The following WDR3 variants were observed in gnomAD, a reference collection of about 807,000 sequenced individuals.
WDR3 encodes the protein WD repeat-containing protein 3.
Under a neutral mutation model 123.7 loss-of-function variants are expected in WDR3, and 81 were observed. The observed-to-expected ratio is 0.65, with a 90% CI of 0.55 to 0.79. The LOEUF (loss-of-function observed/expected upper bound fraction) is 0.79, where lower values mean the gene tolerates loss of function less well. Ranked by LOEUF, WDR3 falls within the 30% of genes least tolerant of loss-of-function variation. WDR3 has a pLI of 0.00. For synonymous variants in WDR3, 390 were observed against 388.8 expected, an observed-to-expected ratio of 1.00 and a Z score of -0.04; for missense variants, 1,027 against 1,123.2, an observed-to-expected ratio of 0.91 and a Z score of 1.22.
At chr1:117,950,590 C>T (rs1368241927) in intron 15 of WDR3, among the ~76,000 whole-genome samples, 1 of 152,158 alleles carries the variant, frequency 6.6e-6, no homozygotes, top group African/African-American at 2.4e-5. Context: ...AGAGATCTGA[C>T]TGAGGCAGTA....
intron 17 of WDR3, 27 bp from the exon 18 acceptor site, chr1:117,952,270 C>T (rs986502874): frequency 3.2e-6 from 5 of 1,582,958 alleles, no homozygotes; most frequent in East Asian, 2.2e-5. Flanking sequence ...AATTTGATGA[C>T]ATTTTAATAT....
chr1:117,951,032 A>G, intron 16 of WDR3, 142 bp downstream of exon 16: 2 of 599,610 alleles, frequency 3.3e-6, no homozygotes, highest in South Asian at 5.1e-5. Flanking sequence ...AACAGTCTCA[A>G]ATTAATATAT....
At chr1:117,958,314 C>A (rs563517959) in intron 25 of WDR3, among the ~76,000 whole-genome samples, 2 of 152,154 alleles carry the variant, frequency 1.3e-5, no homozygotes, top group Non-Finnish European at 2.9e-5. Flanking sequence ...CTTGTAAAGA[C>A]ATAAGTTCAT....
At chr1:117,935,346 T>A (rs568366751) in intron 3 of WDR3, among the ~76,000 whole-genome samples, 1 of 152,182 alleles carries the variant, frequency 6.6e-6, no homozygotes, top group East Asian at 1.9e-4. Flanking sequence ...AGCAAAGGAA[T>A]TGGAAACACT....
At chr1:117,942,773 T>C in intron 10 of WDR3, among the ~76,000 whole-genome samples, 1 of 152,020 alleles carries the variant, frequency 6.6e-6, no homozygotes, top group East Asian at 1.9e-4. Flanking sequence ...TGTCTTTTCC[T>C]GCAGCTAATT....
At chr1:117,943,267 C>A in intron 10 of WDR3, 129 bp from the exon 11 acceptor site, 1 of 824,392 alleles carries the variant, frequency 1.2e-6, no homozygotes, top group Non-Finnish European at 1.9e-6. Flanking sequence ...GGCACTCTTA[C>A]TTGAAAAATT....
intron 4 of WDR3, 131 bp from the exon 5 acceptor site, chr1:117,938,349 A>G (rs1165594801): frequency 3.1e-6 from 2 of 639,444 alleles, no homozygotes; most frequent in African/African-American, 3.7e-5. Context: ...GTAAGATCAG[A>G]GAGAATCGGA....
At position 117,933,502 on chromosome 1, in the gene WDR3, A is replaced by G; in HGVS notation, c.171+12A>G. The G allele has an allele frequency of 6.2e-7, 1 of 1,614,004 alleles. No individual in the cohort carries two copies. The highest frequency in any genetic ancestry group is 8.5e-7 in the Non-Finnish European group (1 of 1,179,910). ...GGAAAGGAGAGAAGGTGAGCCTAAA[A>G]TGACCAGTTTGATACTGATTTATTG... On this transcript the variant is annotated intron_variant, in intron 2 of 26. Transcript: ENST00000349139.
In WDR3 at chr1:117,952,014, T is replaced by A. The variant is rs978827090; in HGVS notation, c.1842T>A (p.Asn614Lys). 4 of 1,613,502 alleles carry A rather than the reference T, an allele frequency of 2.5e-6. No homozygotes were observed. The highest frequency in any genetic ancestry group is 3.4e-6 in the Non-Finnish European group (4 of 1,179,490). ...TAGCAACTGGCTCCGCTGATAGGAA[T>A]GTGAAAATCTGGGGTTTGGACTTTG... ...ALIATGSADR[N>K]VKIWGLDFGD... Residue 614 changes from asparagine (N) to lysine (K), a missense_variant, in exon 17 of 27, where the codon AAT (asparagine) becomes AAA (lysine). Physicochemically the swap from Asn to Lys is moderately conservative, Grantham distance 94. Coordinates refer to ENST00000349139, the MANE Select transcript of WDR3 (RefSeq NM_006784.3).
intron 24 of WDR3, 137 bp downstream of exon 24, chr1:117,955,495 ATAATT>A (rs1652066604): frequency 1.3e-6 from 1 of 753,402 alleles, no homozygotes; most frequent in South Asian, 2.5e-5. Flanking sequence ...TTGATGGAAA[ATAATT>A]TATAATGTTC....
intron 24 of WDR3, 83 bp from the exon 25 acceptor site, chr1:117,956,985 T>C: frequency 4.8e-6 from 6 of 1,248,466 alleles, no homozygotes; most frequent in Non-Finnish European, 6.5e-6. Flanking sequence ...GTAGAAAAAA[T>C]AATAAAGGGA....
Position 117,953,761 on chromosome 1 carries a change from T to C in WDR3, c.2268+220T>C, listed in dbSNP as rs992707007. ...GCTCCTTTCAGGTGTTCCTGGGACC[T>C]GCCCTATTCAGAGTGTCTAGATATC... On this transcript the variant is annotated intron_variant, in intron 21 of 26. Transcript: ENST00000349139. 16 of 610,300 alleles carry C rather than the reference T, an allele frequency of 2.6e-5. No individual in the cohort carries two copies. In the South Asian group the frequency reaches 2.7e-4, roughly 10 times the overall value. The allele number at this position is 610,300 out of a possible 1,614,324, so 37.8% of individuals were successfully genotyped here. A position where few individuals can be genotyped will look rare whatever the true frequency, so the allele number is the denominator to read the frequency against.
Position 117,946,112 on chromosome 1 carries a change from T to C in WDR3, c.1355T>C (p.Met452Thr), listed in dbSNP as rs149375156. Reference protein sequence around the residue: ...NRSTLQCIRTMTCEYALCSFF... With the variant: ...NRSTLQCIRTTTCEYALCSFF... ...TCTACACTGCAGTGTATTCGCACAA[T>C]GACCTGTGAATATGCACTTTGCTCA... The change falls in exon 12 of 27, where the codon ATG becomes ACG. Residue 452 changes from methionine (M) to threonine (T), a missense_variant. Coordinates refer to ENST00000349139, the MANE Select transcript of WDR3 (RefSeq NM_006784.3). 1,023 of 1,612,948 alleles carry C rather than the reference T, an allele frequency of 6.3e-4. 1 individual carries two copies. The highest frequency in any genetic ancestry group is 7.8e-4 in the Non-Finnish European group (923 of 1,179,366).
chr1:117,942,809 G>A (rs973914913), intron 10 of WDR3, among the ~76,000 whole-genome samples: 3 of 150,094 alleles, frequency 2.0e-5, no homozygotes, highest in East Asian at 2.0e-4. Flanking sequence ...TGTGTCCCAC[G>A]TTCAGAAAGG....
rs370011105 is a variant in WDR3 at position 117,936,862 on chromosome 1, C to T, written c.475C>T (p.Arg159Ter). Residue 159 changes from arginine to a stop codon, truncating the protein, a stop_gained, in exon 4 of 27, where the codon CGA becomes TGA. Transcript: ENST00000349139. LOFTEE classifies it high-confidence loss of function. Reference sequence around the variant, plus strand: ...TGCCATCACACAAGCATTGTTTCTACGAGAAAAGAACCTGCTAGTTACTAG... The same window carrying T: ...TGCCATCACACAAGCATTGTTTCTATGAGAAAAGAACCTGCTAGTTACTAG... ...KDAITQALFL[R>*]EKNLLVTSGK... The T allele has an allele frequency of 2.1e-5, 34 of 1,612,752 alleles. No individual in the cohort carries two copies. Among genetic ancestry groups the T allele is most frequent in the African/African-American group, 9.4e-5 (7 of 74,846 alleles).
rs1557826160 is a variant in WDR3 at position 117,954,606 on chromosome 1, A to C, written c.2388A>C (p.Leu796=). The C allele has an allele frequency of 6.2e-7, 1 of 1,612,606 alleles. No individual in the cohort carries two copies. The highest frequency in any genetic ancestry group is 2.2e-5 in the East Asian group (1 of 44,836). ...TTCCACTTCCCAGCAACCCCATCCT[A>C]ATGGCTTATGGCAGTATCTCAGTGA... The part of the protein sequence containing the change: ...KEVPLPSNPI[L]MAYGSISPSA... Residue 796 remains leucine, a synonymous_variant, in exon 23 of 27, where the codon CTA becomes CTC. Coordinates refer to ENST00000349139, the MANE Select transcript of WDR3 (RefSeq NM_006784.3).
At position 117,959,466 on chromosome 1, in the gene WDR3, T is replaced by TC; in HGVS notation, c.*19_*20insC. Reference sequence around the variant, plus strand: ...GACTTAGAACTGAAATGTGGTATCTTTTTTTTTTTCAACTTTTTCCTTTAA... The same window carrying TC: ...GACTTAGAACTGAAATGTGGTATCTTCTTTTTTTTTCAACTTTTTCCTTTAA... On this transcript the variant is annotated 3_prime_UTR_variant, in exon 27 of 27. Transcript: ENST00000349139. 1 of 1,550,454 alleles carries TC rather than the reference T, an allele frequency of 6.4e-7. No individual in the cohort carries two copies. Among genetic ancestry groups the TC allele is most frequent in the Non-Finnish European group, 8.7e-7 (1 of 1,150,932 alleles).
chr1:117,943,891 C>T (rs1260227694), intron 11 of WDR3, among the ~76,000 whole-genome samples: 5 of 152,026 alleles, frequency 3.3e-5, no homozygotes, highest in African/African-American at 1.2e-4. Flanking sequence ...ACTACCTACT[C>T]TTTAAACTTA....
intron 16 of WDR3, 64 bp from the exon 17 acceptor site, chr1:117,951,912 T>G: frequency 6.9e-7 from 1 of 1,444,702 alleles, no homozygotes; most frequent in Non-Finnish European, 9.5e-7. Flanking sequence ...AATATTCTGG[T>G]TAGCTTTTTA....
Sources: gnomAD v4.1 joint callset for allele counts (sites outside exome capture counted in the v4.1 genomes callset) on GRCh38, gnomAD v4.1.1 for gene constraint, MANE v1.5 for transcripts, NCBI Gene and HGNC (gene_info 2026-07-23, HGNC 2026-07-21) for gene names.